SALL4: variants seen among roughly 807,000 people sequenced by gnomAD.
SALL4 encodes the protein sal-like protein 4.
A neutral mutation model predicts 60.8 loss-of-function variants in SALL4; 4 were observed. The observed-to-expected ratio is 0.07, with a 90% CI of 0.03 to 0.15. The LOEUF (loss-of-function observed/expected upper bound fraction) is 0.15. Ranked by LOEUF, SALL4 falls within the 10% of genes least tolerant of loss-of-function variation. The pLI is 1.00. For missense variants in SALL4, 1,178 were observed against 1,394.7 expected (o/e 0.84, Z 2.48); for synonymous variants, 580 against 574.9 (o/e 1.01, Z -0.13).
intron 3 of SALL4, 151 bp from the exon 4 acceptor site, chr20:51,784,835 C>T: frequency 2.3e-6 from 2 of 871,704 alleles, no homozygotes; most frequent in South Asian, 3.0e-5. Flanking sequence ...CCCAGATAAA[C>T]TGATTGAAAG....
In SALL4 at chr20:51,791,924, G is replaced by T; in HGVS notation, c.559C>A (p.Arg187=). Reference sequence around the variant, plus strand: ...TGATTCACCGCCACCTTGGTGCCCCGTAGTGCCTGCAAGGTCACATTAGTG... The same window carrying T: ...TGATTCACCGCCACCTTGGTGCCCCTTAGTGCCTGCAAGGTCACATTAGTG... ...ANTNVTLQAL[R]GTKVAVNQRS... The change falls in exon 2 of 4, where the codon CGG becomes AGG. Residue 187 remains arginine, a synonymous_variant. Transcript: ENST00000217086. The surrounding 1 kb of genome is among the most constrained non-coding windows in gnomAD (Gnocchi z 4.6). The T allele has an allele frequency of 6.2e-7, 1 of 1,614,218 alleles. No individual in the cohort carries two copies.
intron 1 of SALL4, among the ~76,000 whole-genome samples, chr20:51,793,995 G>A (rs969686376): frequency 1.3e-5 from 2 of 152,116 alleles, no homozygotes; most frequent in Non-Finnish European, 1.5e-5. Context: ...TAGGCAAGTC[G>A]GCACACCCCT....
chr20:51,789,153 A>G lies in SALL4; in HGVS notation c.2462-12T>C, dbSNP rs770440198. 30 of 1,613,086 alleles carry G rather than the reference A, an allele frequency of 1.9e-5. No homozygotes were observed. The African/African-American group carries it at 2.7e-4, about 14-fold the overall frequency. Reference sequence around the variant, plus strand: ...GAGACTGCTCCGACCTAGTACACAGAGGGGAAAAAAGCCAGACCTTTATCA... The same window carrying G: ...GAGACTGCTCCGACCTAGTACACAGGGGGGAAAAAAGCCAGACCTTTATCA... On this transcript the variant is annotated splice_polypyrimidine_tract_variant and intron_variant, in intron 2 of 3. Transcript: ENST00000217086.
Position 51,784,317 on chromosome 20 carries a change from G to C in SALL4, c.3110C>G (p.Pro1037Arg). ...VEKPSATDGV[P>R]KHQFPHFLEE... ...CAGGAAGTGAGGAAACTGGTGTTTG[G>C]GAACGCCGTCAGTAGCACTTGGTTT... Residue 1037 changes from proline to arginine, a missense_variant, in exon 4 of 4, where the codon CCC (proline) becomes CGC (arginine). By Grantham distance (103) the Pro-to-Arg change is moderately radical (BLOSUM62 -2). Transcript: ENST00000217086. 2 of 1,614,182 alleles carry C rather than the reference G, an allele frequency of 1.2e-6. No homozygotes were observed. Among genetic ancestry groups the C allele is most frequent in the Non-Finnish European group, 1.7e-6 (2 of 1,180,036 alleles).
rs757391872 is a variant in SALL4 at position 51,789,130 on chromosome 20, G to C, written c.2473C>G (p.Leu825Val). 6.2e-6 allele frequency: 10 copies of C among 1,614,030 alleles called. No homozygotes were observed. The highest frequency in any genetic ancestry group is 3.3e-5 in the Admixed American group (2 of 60,002). Residue 825 changes from leucine (L) to valine (V), a missense_variant, in exon 3 of 4, where the codon CTC (leucine) becomes GTC (valine). Around this residue, in one of 5 missense-constraint regions of SALL4, gnomAD observed 853 missense variants for 1,036.8 expected, o/e 0.82. Coordinates refer to ENST00000217086, the MANE Select transcript of SALL4 (RefSeq NM_020436.5). ...GGGGCTCGGATAAACGTGGAAGGGA[G>C]ACTGCTCCGACCTAGTACACAGAGG... ...SRTEMEGRSS[L>V]PSTFIRAPPT...
Position 51,784,325 on chromosome 20 carries a change from G to A in SALL4, c.3102C>T (p.Asp1034=), listed in dbSNP as rs758048895. ...GAGGAAACTGGTGTTTGGGAACGCC[G>A]TCAGTAGCACTTGGTTTTTCCACAT... ...SADVEKPSAT[D]GVPKHQFPHF... is the part of the protein sequence containing the mutation. The change falls in exon 4 of 4, where the codon GAC becomes GAT. Residue 1034 remains aspartate (D), a synonymous_variant. Transcript: ENST00000217086. 87 of 1,614,060 alleles carry A rather than the reference G, an allele frequency of 5.4e-5. No homozygotes were observed. Among genetic ancestry groups the A allele is most frequent in the Non-Finnish European group, 6.7e-5 (79 of 1,180,052 alleles).
At chr20:51,796,693 A>G (rs2078081705) in intron 1 of SALL4, among the ~76,000 whole-genome samples, 2 of 152,206 alleles carry the variant, frequency 1.3e-5, no homozygotes, top group South Asian at 4.1e-4. Flanking sequence ...GTCACAATAC[A>G]GAGGTGACTT....
Position 51,792,036 on chromosome 20 carries a change from C to T in SALL4, c.447G>A (p.Ala149=), listed in dbSNP as rs147838161. The T allele has an allele frequency of 7.2e-5, 117 of 1,614,186 alleles. No individual in the cohort carries two copies. The highest frequency in any genetic ancestry group is 6.0e-4 in the Admixed American group (36 of 60,022). Residue 149 remains alanine (A), a synonymous_variant, in exon 2 of 4, where the codon GCG becomes GCA. Coordinates refer to ENST00000217086, the MANE Select transcript of SALL4 (RefSeq NM_020436.5). The part of the protein sequence containing the change: ...SSEDMKEKPD[A]ESVVYLKTET... ...CTGTCTTTAGGTACACCACAGACTC[C>T]GCATCCGGCTTCTCCTTCATGTCCT...
chr20:51,800,358 G>T (rs997022180), intron 1 of SALL4, among the ~76,000 whole-genome samples: 6 of 152,328 alleles, frequency 3.9e-5, no homozygotes, highest in South Asian at 4.1e-4. Flanking sequence ...CAAGCCGGGT[G>T]GGCTGTCCGC....
intron 1 of SALL4, among the ~76,000 whole-genome samples, chr20:51,796,788 A>T (rs1310972471): frequency 6.6e-6 from 1 of 152,016 alleles, no homozygotes; most frequent in Non-Finnish European, 1.5e-5. Context: ...TGTGGGAGAA[A>T]CTTTTTTATT....
In SALL4 at chr20:51,802,447, T is replaced by C. The variant is rs2078117214; in HGVS notation, c.-39A>G. On this transcript the variant is annotated 5_prime_UTR_variant, in exon 1 of 4. Coordinates refer to ENST00000217086, the MANE Select transcript of SALL4 (RefSeq NM_020436.5). ...GGGCGCCGGGAGAGCCGCAGTTATT[T>C]GCCCTCTCCGCCACAAATTCCTGGA... 1 of 1,612,218 alleles carries C rather than the reference T, an allele frequency of 6.2e-7. No individual in the cohort carries two copies. Among genetic ancestry groups the C allele is most frequent in the Admixed American group, 1.7e-5 (1 of 59,936 alleles).
chr20:51,791,404 T>G lies in SALL4; in HGVS notation c.1079A>C (p.Lys360Thr). Residue 360 changes from lysine to threonine, a missense_variant, in exon 2 of 4, where the codon AAG becomes ACG. Physicochemically the swap from Lys to Thr is moderately conservative, Grantham distance 78 (BLOSUM62 -1). Coordinates refer to ENST00000217086, the MANE Select transcript of SALL4 (RefSeq NM_020436.5). The surrounding 1 kb of genome is among the most constrained non-coding windows in gnomAD (Gnocchi z 4.6). Reference sequence around the variant, plus strand: ...CGCGGAGATGTTCGGTGGCTTCCCCTTCCCTTTCTTGGATGTGTCTAGCGC... The same window carrying G: ...CGCGGAGATGTTCGGTGGCTTCCCCGTCCCTTTCTTGGATGTGTCTAGCGC... ...TVALDTSKKG[K>T]GKPPNISAVD... The G allele has an allele frequency of 6.2e-7, 1 of 1,614,218 alleles. No homozygotes were observed. Among genetic ancestry groups the G allele is most frequent in the South Asian group, 1.1e-5 (1 of 91,086 alleles).
intron 3 of SALL4, among the ~76,000 whole-genome samples, chr20:51,785,380 T>A (rs1568860227): frequency 1.3e-5 from 2 of 152,236 alleles, no homozygotes; most frequent in Non-Finnish European, 2.9e-5. Context: ...AGAATGGTTG[T>A]ATGGGTGCTC....
At chr20:51,796,135 G>A (rs73616852) in intron 1 of SALL4, among the ~76,000 whole-genome samples, 10 of 146,954 alleles carry the variant, frequency 6.8e-5, no homozygotes, top group African/African-American at 2.5e-4. Flanking sequence ...GGAGGTGGAG[G>A]TTGCAGTGAG....
At position 51,788,287 on chromosome 20, in the gene SALL4, CG is replaced by C. The variant is rs1273314059; in HGVS notation, c.2742+573del. ...CCTCCCACTTCAGCTTCCCAATTGGCGGGGACCCAAGCATGCAACACCATGC... is the reference window on the plus strand; with the variant it reads ...CCTCCCACTTCAGCTTCCCAATTGGCGGGACCCAAGCATGCAACACCATGC... On this transcript the variant is annotated intron_variant, in intron 3 of 3. Coordinates refer to ENST00000217086, the MANE Select transcript of SALL4 (RefSeq NM_020436.5). This position sits in a 1 kb window ranked among gnomAD's most constrained non-coding sequence, Gnocchi z 4.1. Among the ~76,000 whole-genome samples the C allele has an allele frequency of 4.6e-5, 7 of 151,254 alleles. No individual in the cohort carries two copies. The highest frequency in any genetic ancestry group is 1.5e-4 in the African/African-American group (6 of 41,074).
rs752268141 is a variant in SALL4, at chr20:51,784,471, C to T, written c.2956G>A (p.Glu986Lys). Residue 986 changes from glutamate to lysine, a missense_variant, in exon 4 of 4, where the codon GAG (glutamate) becomes AAG (lysine). Around this residue, in one of 5 missense-constraint regions of SALL4, gnomAD observed 174 missense variants for 169.6 expected, o/e 1.03. Coordinates refer to ENST00000217086, the MANE Select transcript of SALL4 (RefSeq NM_020436.5). ...CCCCCACTCTGGATCACAGAGATCT[C>T]ATTGGTCTTCACGGCCAGACCGCCA... ...LNGGLAVKTNEISVIQSGGVP... is the reference protein window; with the variant it reads ...LNGGLAVKTNKISVIQSGGVP... 6.2e-7 allele frequency: 1 copy of T among 1,614,202 alleles called. No homozygotes were observed. Among genetic ancestry groups the T allele is most frequent in the Non-Finnish European group, 8.5e-7 (1 of 1,180,038 alleles).
rs779020653 is a variant in SALL4, at chr20:51,791,245, G to T, written c.1238C>A (p.Ser413Tyr). The T allele has an allele frequency of 3.1e-6, 5 of 1,614,102 alleles. No homozygotes were observed. Among genetic ancestry groups the T allele is most frequent in the Non-Finnish European group, 3.4e-6 (4 of 1,180,020 alleles). The change falls in exon 2 of 4, where the codon TCT becomes TAT. Residue 413 changes from serine to tyrosine, a missense_variant. Physicochemically the swap from Ser to Tyr is moderately radical, Grantham distance 144. Around this residue, in one of 5 missense-constraint regions of SALL4, gnomAD observed 853 missense variants for 1,036.8 expected, o/e 0.82. Transcript: ENST00000217086. This position sits in a 1 kb window ranked among gnomAD's most constrained non-coding sequence, Gnocchi z 4.6. ...GGTGGTGAAGCGATGACCACAGACA[G>T]AGCACACGAAGGGTCTCTCTCCAGT... Reference protein sequence around the residue: ...SHTGERPFVCSVCGHRFTTKG... With the variant: ...SHTGERPFVCYVCGHRFTTKG...
rs986053950 is a variant in SALL4, at chr20:51,802,429, G to C, written c.-21C>G. The C allele has an allele frequency of 6.2e-7, 1 of 1,612,572 alleles. No individual in the cohort carries two copies. ...GACATGGTGCGAGCATCGGGGCGCC[G>C]GGAGAGCCGCAGTTATTTGCCCTCT... On this transcript the variant is annotated 5_prime_UTR_variant, in exon 1 of 4. Coordinates refer to ENST00000217086, the MANE Select transcript of SALL4 (RefSeq NM_020436.5).
chr20:51,792,968 C>A, intron 1 of SALL4: 1 of 991,392 alleles, frequency 1.0e-6, no homozygotes, highest in South Asian at 4.6e-5. Flanking sequence ...TCAGACCCAG[C>A]AGCTAAGCCT....
Sources: gnomAD v4.1 joint callset for allele counts (sites outside exome capture counted in the v4.1 genomes callset) on GRCh38, gnomAD v4.1.1 for gene constraint, gnomAD v4.1.1 regional missense constraint, Gnocchi (gnomAD v3.1) non-coding constraint, MANE v1.5 for transcripts, NCBI Gene and HGNC (gene_info 2026-07-23, HGNC 2026-07-21) for gene names.